Variants in STPG2 observed in about 807,000 individuals in gnomAD.
STPG2 encodes the protein sperm-tail PG-rich repeat-containing protein 2.
STPG2 carries 56 observed loss-of-function variants against 54.2 expected under a neutral mutation model. That is an observed-to-expected ratio of 1.03 (90% CI 0.83 to 1.29). STPG2 has a LOEUF of 1.29. Ranked by LOEUF, STPG2 falls within the 50% of genes most tolerant of loss-of-function variation. The pLI, the probability that STPG2 is intolerant of heterozygous loss-of-function variation, is 0.00. For synonymous variants in STPG2, 200 were observed against 181.8 expected (o/e 1.10, Z -0.81); for missense variants, 596 against 544.9 (o/e 1.09, Z -0.93).
At chr4:97,562,662 A>G (rs1732289028) in intron 10 of STPG2, among the ~76,000 whole-genome samples, 1 of 152,096 alleles carries the variant, frequency 6.6e-6, no homozygotes, top group Non-Finnish European at 1.5e-5. Context: ...GGGTTGTTGA[A>G]TTTTGTCAAA....
chr4:97,860,654 T>G lies in STPG2; in HGVS notation c.1045-19722A>C, dbSNP rs185617646. 3.3e-5 allele frequency among the ~76,000 whole-genome samples: 5 copies of G among 152,230 alleles called. No homozygotes were observed. In the East Asian group the frequency reaches 9.7e-4, roughly 29 times the overall value. On this transcript the variant is annotated intron_variant, in intron 8 of 10. Coordinates refer to ENST00000295268, the MANE Select transcript of STPG2 (RefSeq NM_174952.3). ...TATACTGAAATGTTACTGAATTCAT[T>G]TATCAGATCCACATGCTTTTTGGAT...
Position 97,839,259 on chromosome 4 carries a change from C to T in STPG2, c.1204+1514G>A, listed in dbSNP as rs577696493. ...GTATTCTCATGAGGCAAGTAGGTGG[C>T]AAATATCTCAACTGTGAAAAACAGA... is the stretch of plus-strand genomic sequence containing the variant. On this transcript the variant is annotated intron_variant, in intron 9 of 10. Coordinates refer to ENST00000295268, the MANE Select transcript of STPG2 (RefSeq NM_174952.3). Among the ~76,000 whole-genome samples, 7 of 151,588 alleles carry T rather than the reference C, an allele frequency of 4.6e-5. No homozygotes were observed. The East Asian group carries it at 7.7e-4, about 17-fold the overall frequency.
At chr4:97,971,319 T>C (rs554828880) in intron 7 of STPG2, among the ~76,000 whole-genome samples, 3 of 152,322 alleles carry the variant, frequency 2.0e-5, no homozygotes, top group Admixed American at 2.0e-4. Context: ...CCCAAGGGAT[T>C]ATAAATCATG....
chr4:98,130,970 C>G (rs1475411230), intron 2 of STPG2, among the ~76,000 whole-genome samples: 2 of 149,148 alleles, frequency 1.3e-5, no homozygotes, highest in African/African-American at 2.5e-5. Flanking sequence ...AAAATATAGC[C>G]CCTACCTCCA....
intron 4 of STPG2, among the ~76,000 whole-genome samples, chr4:97,527,929 T>C (rs1390454080): frequency 6.6e-6 from 1 of 152,138 alleles, no homozygotes; most frequent in African/African-American, 2.4e-5. Flanking sequence ...ATTTCAAAAT[T>C]TTTCTCCCAT....
intron 5 of STPG2, among the ~76,000 whole-genome samples, chr4:98,015,938 T>C (rs9992281): frequency 0.39 from 59,771 of 151,750 alleles, 12,008 homozygotes; most frequent in Middle Eastern, 0.46. Context: ...ACCATTATTC[T>C]CAGCAAACTA....
At chr4:97,503,576 G>T (rs1365703532) in intron 4 of STPG2, among the ~76,000 whole-genome samples, 16 of 151,002 alleles carry the variant, frequency 1.1e-4, no homozygotes, top group Non-Finnish European at 4.4e-5. Context: ...ATGAGCCACC[G>T]TGCCTGGCTA....
At chr4:97,969,161 C>T (rs546240617) in intron 7 of STPG2, among the ~76,000 whole-genome samples, 1 of 152,250 alleles carries the variant, frequency 6.6e-6, no homozygotes, top group Admixed American at 6.5e-5. Flanking sequence ...AGTTTCAGGT[C>T]CTGTATCTAT....
chr4:97,919,042 T>C (rs1731995941), intron 8 of STPG2, among the ~76,000 whole-genome samples: 1 of 152,324 alleles, frequency 6.6e-6, no homozygotes, highest in Admixed American at 6.5e-5. Flanking sequence ...GGAAGTATGC[T>C]TGAAATCAAT....
At chr4:97,573,246 AC>A in intron 10 of STPG2, among the ~76,000 whole-genome samples, 1 of 152,066 alleles carries the variant, frequency 6.6e-6, no homozygotes, top group East Asian at 1.9e-4. Context: ...GTTATATAAA[AC>A]TTACTTTGAT....
chr4:98,071,227 A>G (rs978524501), intron 5 of STPG2, among the ~76,000 whole-genome samples: 2 of 152,122 alleles, frequency 1.3e-5, no homozygotes, highest in Admixed American at 6.6e-5. Flanking sequence ...ACTCATAGAC[A>G]AATGAAACGT....
intron 5 of STPG2, among the ~76,000 whole-genome samples, chr4:98,096,795 G>T (rs2865978): frequency 0.4 from 60,150 of 151,866 alleles, 12,145 homozygotes; most frequent in Middle Eastern, 0.46. Flanking sequence ...CAAAGATCAT[G>T]CAAAGGAATG....
intron 9 of STPG2, among the ~76,000 whole-genome samples, chr4:97,731,908 C>T (rs1724807883): frequency 6.6e-6 from 1 of 152,212 alleles, no homozygotes; most frequent in African/African-American, 2.4e-5. Context: ...GTCCCTTTGT[C>T]CTTTGGCCCC....
At chr4:97,650,536 T>C (rs980378095) in intron 10 of STPG2, among the ~76,000 whole-genome samples, 12 of 152,236 alleles carry the variant, frequency 7.9e-5, no homozygotes, top group African/African-American at 2.9e-4. Context: ...ATTCTCTAGT[T>C]GACAATTGGT....
At chr4:97,618,391 C>T (rs1325345729) in intron 10 of STPG2, among the ~76,000 whole-genome samples, 2 of 152,018 alleles carry the variant, frequency 1.3e-5, no homozygotes, top group African/African-American at 4.8e-5. Context: ...ATTCCAACTT[C>T]CCAACTGAAC....
rs186244174 is a variant in STPG2 at position 97,537,812 on chromosome 4, A to G, written c.462+174887T>C. Among the ~76,000 whole-genome samples, 124 of 152,236 alleles carry G rather than the reference A, an allele frequency of 8.1e-4. 3 individuals carry two copies. The highest frequency in any genetic ancestry group is 8.0e-3 in the Admixed American group (122 of 15,288). On this transcript the variant is annotated intron_variant, in intron 4 of 4. Coordinates refer to the STPG2 transcript ENST00000522676. Reference sequence around the variant, plus strand: ...CACCCCCTAGTAGGGGCAGACTGACACCTCACATGGCCAGGTACCCTTCTG... The same window carrying G: ...CACCCCCTAGTAGGGGCAGACTGACGCCTCACATGGCCAGGTACCCTTCTG...
intron 5 of STPG2, among the ~76,000 whole-genome samples, chr4:97,992,719 C>T (rs1216254249): frequency 1.3e-5 from 2 of 152,006 alleles, no homozygotes; most frequent in Non-Finnish European, 1.5e-5. Context: ...TTGATTCTAC[C>T]CATCCAAGAG....
At chr4:97,681,753 G>T (rs1723041837) in intron 10 of STPG2, among the ~76,000 whole-genome samples, 1 of 151,746 alleles carries the variant, frequency 6.6e-6, no homozygotes, top group Admixed American at 6.6e-5. Context: ...AGGTGTGGCA[G>T]AGTTGCTCTA....
chr4:97,691,857 T>C (rs1401467043), intron 10 of STPG2, among the ~76,000 whole-genome samples: 1 of 152,010 alleles, frequency 6.6e-6, no homozygotes, highest in African/African-American at 2.4e-5. Context: ...TGAAGACGAA[T>C]CATATCACAA....
Sources: allele counts gnomAD v4.1 joint callset (sites outside exome capture counted in the v4.1 genomes callset), GRCh38; gene constraint gnomAD v4.1.1; transcripts MANE v1.5; gene names NCBI Gene and HGNC (gene_info 2026-07-23, HGNC 2026-07-21).